CSMD1: variants seen among roughly 807,000 people sequenced by gnomAD.
CSMD1 encodes the protein CUB and Sushi multiple domains 1, also known as CUB and sushi domain-containing protein 1.
A neutral mutation model predicts 417.5 loss-of-function variants in CSMD1; 213 were observed. That is an observed-to-expected ratio of 0.51 (90% confidence interval 0.46 to 0.57). CSMD1 has a LOEUF of 0.57. Ranked by LOEUF, CSMD1 falls within the 20% of genes least tolerant of loss-of-function variation. The pLI, the probability that CSMD1 is intolerant of heterozygous loss-of-function variation, is 0.00. For synonymous variants in CSMD1, 2,862 were observed against 1,736.8 expected, an observed-to-expected ratio of 1.65 and a Z score of -16.11; for missense variants, 6,923 against 4,529.7, an observed-to-expected ratio of 1.53 and a Z score of -15.17.
intron 6 of CSMD1, among the ~76,000 whole-genome samples, chr8:3,745,128 C>T (rs117015471): frequency 1.1e-3 from 166 of 152,346 alleles, no homozygotes; most frequent in Non-Finnish European, 1.7e-3. Context: ...AAGCAAAGCT[C>T]TTACTACTTT....
chr8:3,978,392 A>G (rs1193976771), intron 5 of CSMD1, among the ~76,000 whole-genome samples: 8 of 152,160 alleles, frequency 5.3e-5, no homozygotes, highest in Non-Finnish European at 1.2e-4. Context: ...TTCATAATTC[A>G]TAGATTTCTT....
At chr8:4,785,923 C>G (rs1255018945) in intron 1 of CSMD1, among the ~76,000 whole-genome samples, 1 of 152,114 alleles carries the variant, frequency 6.6e-6, no homozygotes, top group Admixed American at 6.5e-5. Context: ...ACTGAACCCT[C>G]CTCAGTCATG....
intron 5 of CSMD1, among the ~76,000 whole-genome samples, chr8:3,863,839 AAC>A (rs1804895895): frequency 6.6e-6 from 1 of 152,232 alleles, no homozygotes; most frequent in Non-Finnish European, 1.5e-5. Context: ...AATCAGAAAA[AAC>A]AGAGTTTAAT....
At chr8:4,016,218 G>C (rs1422882664) in intron 4 of CSMD1, among the ~76,000 whole-genome samples, 1 of 152,130 alleles carries the variant, frequency 6.6e-6, no homozygotes, top group African/African-American at 2.4e-5. Context: ...AAAATATTTA[G>C]TCATGTGATC....
intron 1 of CSMD1, among the ~76,000 whole-genome samples, chr8:4,687,733 G>C (rs922955547): frequency 2.0e-5 from 3 of 151,912 alleles, no homozygotes; most frequent in Non-Finnish European, 2.9e-5. Flanking sequence ...TTCCACACTA[G>C]GTTCTTCTTC....
At chr8:3,985,331 G>A (rs537248998) in intron 5 of CSMD1, among the ~76,000 whole-genome samples, 17 of 152,224 alleles carry the variant, frequency 1.1e-4, no homozygotes, top group African/African-American at 3.6e-4. Context: ...ATATGTTTTC[G>A]TTTATTAGGG....
At chr8:3,583,080 T>C (rs1335388991) in intron 9 of CSMD1, among the ~76,000 whole-genome samples, 2 of 152,154 alleles carry the variant, frequency 1.3e-5, no homozygotes, top group Admixed American at 6.5e-5. Flanking sequence ...GACAGCAGCT[T>C]TGACCTCTTC....
chr8:3,145,550 T>C (rs903927924), intron 40 of CSMD1, among the ~76,000 whole-genome samples: 2 of 152,146 alleles, frequency 1.3e-5, no homozygotes, highest in African/African-American at 4.8e-5. Flanking sequence ...ATTATAATAT[T>C]GTGAGCAAAA....
At chr8:3,986,590 A>AT (rs547870333) in intron 5 of CSMD1, among the ~76,000 whole-genome samples, 31 of 152,034 alleles carry the variant, frequency 2.0e-4, no homozygotes, top group Middle Eastern at 3.4e-3. Context: ...CTAATTATTT[A>AT]TTTTTTCCCA....
intron 5 of CSMD1, among the ~76,000 whole-genome samples, chr8:3,818,214 C>G (rs1382280070): frequency 2.0e-5 from 3 of 152,026 alleles, no homozygotes; most frequent in Admixed American, 6.5e-5. Context: ...CATGAAAACG[C>G]AGAGCCCACC....
At chr8:4,418,934 G>A (rs779031529) in intron 3 of CSMD1, among the ~76,000 whole-genome samples, 63 of 152,146 alleles carry the variant, frequency 4.1e-4, no homozygotes, top group Admixed American at 1.2e-3. Flanking sequence ...TTAAGCAAAA[G>A]GATAAGTCGG....
intron 3 of CSMD1, among the ~76,000 whole-genome samples, chr8:4,189,308 A>G (rs908618934): frequency 2.0e-5 from 3 of 152,218 alleles, no homozygotes; most frequent in Non-Finnish European, 4.4e-5. Context: ...TGTTGAGTAA[A>G]TCAAGATGAA....
chr8:3,761,810 T>A (rs1438697232), intron 5 of CSMD1, among the ~76,000 whole-genome samples: 1 of 152,088 alleles, frequency 6.6e-6, no homozygotes, highest in African/African-American at 2.4e-5. Context: ...CCAGCCAAAA[T>A]TACCACTTTC....
At chr8:3,520,490 TA>T (rs1368728343) in intron 10 of CSMD1, among the ~76,000 whole-genome samples, 1 of 152,188 alleles carries the variant, frequency 6.6e-6, no homozygotes, top group Admixed American at 6.6e-5. Context: ...GTCAACAAAA[TA>T]AAATGTTTAT....
At chr8:4,223,596 G>A (rs1585050870) in intron 3 of CSMD1, among the ~76,000 whole-genome samples, 1 of 152,218 alleles carries the variant, frequency 6.6e-6, no homozygotes, top group South Asian at 2.1e-4. Flanking sequence ...CATCAAAGCA[G>A]GTTGATTGAC....
chr8:4,739,686 T>A (rs1472912523), intron 1 of CSMD1, among the ~76,000 whole-genome samples: 3 of 152,186 alleles, frequency 2.0e-5, no homozygotes, highest in African/African-American at 4.8e-5. Flanking sequence ...TATCACTTTT[T>A]GTCTAGCATT....
chr8:4,338,379 G>A (rs1208683551), intron 3 of CSMD1, among the ~76,000 whole-genome samples: 2 of 152,042 alleles, frequency 1.3e-5, no homozygotes, highest in Non-Finnish European at 2.9e-5. Flanking sequence ...TCTTATGTTT[G>A]CAAATTACGT....
At chr8:4,736,530 G>A (rs1810247154) in intron 1 of CSMD1, among the ~76,000 whole-genome samples, 3 of 152,270 alleles carry the variant, frequency 2.0e-5, no homozygotes, top group Middle Eastern at 3.4e-3. Context: ...GGCCATGACA[G>A]CATGACAGCT....
chr8:4,730,555 A>G (rs552735788), intron 1 of CSMD1, among the ~76,000 whole-genome samples: 15 of 152,144 alleles, frequency 9.9e-5, no homozygotes, highest in African/African-American at 3.6e-4. Flanking sequence ...CCTGGCTAAC[A>G]CGGTGAAACT....
Sources: allele counts gnomAD v4.1 joint callset (sites outside exome capture counted in the v4.1 genomes callset), GRCh38; gene constraint gnomAD v4.1.1; transcripts MANE v1.5; gene names NCBI Gene and HGNC (gene_info 2026-07-23, HGNC 2026-07-21).